Variants in PCDHA13 observed in about 807,000 individuals in gnomAD.
The protein encoded by PCDHA13 is protocadherin alpha-13.
In PCDHA13, 54 loss-of-function variants were observed where a neutral mutation model predicts 64.8. That is an observed-to-expected ratio of 0.83 (90% confidence interval 0.67 to 1.04). The LOEUF (loss-of-function observed/expected upper bound fraction) is 1.04, where lower values mean the gene tolerates loss of function less well. Ranked by LOEUF, PCDHA13 falls within the 50% of genes least tolerant of loss-of-function variation. PCDHA13 has a pLI of 0.00. For synonymous variants in PCDHA13, 587 were observed against 564.4 expected (o/e 1.04, Z -0.57); for missense variants, 1,248 against 1,254.3 (o/e 0.99, Z 0.08).
Position 140,884,329 on chromosome 5 carries a change from G to T in PCDHA13, c.2061G>T (p.Val687=), listed in dbSNP as rs782258780. 1 of 1,613,760 alleles carries T rather than the reference G, an allele frequency of 6.2e-7. No homozygotes were observed. The highest frequency in any genetic ancestry group is 8.5e-7 in the Non-Finnish European group (1 of 1,179,884). Reference sequence around the variant, plus strand: ...CGTCGAGGGCGTCGGCAGGCGCTGTGGGTCCAGAAGCGGCGCTGGTGGATG... The same window carrying T: ...CGTCGAGGGCGTCGGCAGGCGCTGTTGGTCCAGAAGCGGCGCTGGTGGATG... ...QASSRASAGA[V]GPEAALVDVN... is the part of the protein sequence containing the mutation. The change falls in exon 1 of 4, where the codon GTG becomes GTT. Residue 687 remains valine, a synonymous_variant. Transcript: ENST00000289272.
chr5:140,903,908 T>G (rs1248455998), intron 1 of PCDHA13, among the ~76,000 whole-genome samples: 2 of 152,242 alleles, frequency 1.3e-5, no homozygotes, highest in East Asian at 1.9e-4. Flanking sequence ...GTCAATGATG[T>G]GACTTCCTTG....
chr5:140,924,945 A>T (rs200246310), intron 1 of PCDHA13, among the ~76,000 whole-genome samples: 4 of 64,382 alleles, frequency 6.2e-5, no homozygotes, highest in African/African-American at 1.9e-4. Context: ...ATAAAAAGTT[A>T]AAAAAAAAAT....
rs1291498310 is a variant in PCDHA13, at chr5:140,946,680, G to A, written c.2395-32269G>A. Among the ~76,000 whole-genome samples, 6 of 145,092 alleles carry A rather than the reference G, an allele frequency of 4.1e-5. No homozygotes were observed. In the East Asian group the frequency reaches 9.9e-4, roughly 24 times the overall value. On this transcript the variant is annotated intron_variant, in intron 1 of 3. Coordinates refer to ENST00000289272, the MANE Select transcript of PCDHA13 (RefSeq NM_018904.3). ...TAGAAAGAATGAAATCCTGTCATTCGTGACAATATGGATGAATCTGGAGGT... is the reference window on the plus strand; with the variant it reads ...TAGAAAGAATGAAATCCTGTCATTCATGACAATATGGATGAATCTGGAGGT...
Position 141,010,990 on chromosome 5 carries a change from A to G in PCDHA13, c.*1053A>G, listed in dbSNP as rs1399914066. The stretch of plus-strand genomic sequence containing the variant: ...GTGCTTTAAGAGAATTGCCTGAAAC[A>G]TCTGTATTATATCGGCCACCTGCCA... On this transcript the variant is annotated 3_prime_UTR_variant, in exon 4 of 4. Transcript: ENST00000289272. The G allele has an allele frequency of 6.5e-6, 1 of 153,770 alleles. No individual in the cohort carries two copies. Among genetic ancestry groups the G allele is most frequent in the Non-Finnish European group, 1.5e-5 (1 of 68,054 alleles). 9.5% of individuals were successfully genotyped at this position (153,770 alleles called of 1,614,324 possible). A position where few individuals can be genotyped will look rare whatever the true frequency, so the allele number is the denominator to read the frequency against.
intron 1 of PCDHA13, among the ~76,000 whole-genome samples, chr5:140,914,207 A>C (rs1485868934): frequency 6.6e-6 from 1 of 152,060 alleles, no homozygotes; most frequent in Admixed American, 6.6e-5. Context: ...TGTGATCTCT[A>C]TCTCTCTTTT....
intron 1 of PCDHA13, among the ~76,000 whole-genome samples, chr5:140,965,342 G>T (rs2095891598): frequency 6.6e-6 from 1 of 152,130 alleles, no homozygotes; most frequent in South Asian, 2.1e-4. Context: ...TTGTCTCTGT[G>T]TTGCCTCTAT....
intron 1 of PCDHA13, among the ~76,000 whole-genome samples, chr5:140,898,748 G>A (rs1397892217): frequency 1.1e-4 from 16 of 152,222 alleles, no homozygotes; most frequent in African/African-American, 3.9e-4. Context: ...TAGCTTGATG[G>A]GGATGGCATT....
chr5:140,924,050 A>T (rs1554201725), intron 1 of PCDHA13, among the ~76,000 whole-genome samples: 1 of 152,250 alleles, frequency 6.6e-6, no homozygotes, highest in African/African-American at 2.4e-5. Flanking sequence ...AAAGTTCGGT[A>T]CATCTTTACA....
chr5:140,890,319 A>C (rs2062592452), intron 1 of PCDHA13, among the ~76,000 whole-genome samples: 1 of 152,206 alleles, frequency 6.6e-6, no homozygotes, highest in Admixed American at 6.5e-5. Context: ...AGTTGTTTTA[A>C]GATATTAGGT....
chr5:140,954,225 A>G (rs1554221300), intron 1 of PCDHA13, among the ~76,000 whole-genome samples: 1 of 152,242 alleles, frequency 6.6e-6, no homozygotes, highest in Admixed American at 6.5e-5. Context: ...TGCTATTGTG[A>G]ATAGTGCTGC....
intron 1 of PCDHA13, among the ~76,000 whole-genome samples, chr5:140,954,349 G>A (rs554018151): frequency 2.0e-4 from 31 of 152,312 alleles, no homozygotes; most frequent in Admixed American, 1.8e-3. Flanking sequence ...AGATCTTTGA[G>A]GAATCGCCAC....
intron 1 of PCDHA13, chr5:140,966,508 A>G (rs1288054154): frequency 9.2e-6 from 4 of 434,452 alleles, no homozygotes; most frequent in African/African-American, 4.1e-5. Context: ...TAGCGGCAGC[A>G]GCAGCAGGAA....
At chr5:140,967,872 A>C (rs2096192784) in intron 1 of PCDHA13, 2 of 1,614,034 alleles carry the variant, frequency 1.2e-6, no homozygotes, top group Non-Finnish European at 1.7e-6. Context: ...GTGCTCACGG[A>C]CCTGTATAGC....
intron 1 of PCDHA13, among the ~76,000 whole-genome samples, chr5:140,940,306 T>C (rs2092590981): frequency 6.6e-6 from 1 of 152,200 alleles, no homozygotes; most frequent in Non-Finnish European, 1.5e-5. Context: ...TAATTTATTA[T>C]CTTTCTTCCA....
intron 3 of PCDHA13, 115 bp downstream of exon 3, chr5:140,982,678 C>G: frequency 6.9e-7 from 1 of 1,438,900 alleles, no homozygotes; most frequent in East Asian, 2.5e-5. Context: ...TTTGTTATTC[C>G]CTTTTTTCCA....
chr5:140,917,231 A>G (rs2077963769), intron 1 of PCDHA13, among the ~76,000 whole-genome samples: 1 of 151,360 alleles, frequency 6.6e-6, no homozygotes, highest in Admixed American at 6.6e-5. Context: ...TACGTTGTTA[A>G]ATCTAGGTAC....
At chr5:141,008,488 C>A (rs1300609417) in intron 3 of PCDHA13, among the ~76,000 whole-genome samples, 1 of 152,124 alleles carries the variant, frequency 6.6e-6, no homozygotes, top group Non-Finnish European at 1.5e-5. Flanking sequence ...CTAGAAGTCA[C>A]TGGTATACTT....
At chr5:140,979,922 A>T (rs1317860679) in intron 2 of PCDHA13, among the ~76,000 whole-genome samples, 1 of 152,276 alleles carries the variant, frequency 6.6e-6, no homozygotes, top group Non-Finnish European at 1.5e-5. Flanking sequence ...GAGAAAGCCT[A>T]CAAAGTATGT....
rs145253621 is a variant in PCDHA13, at chr5:140,991,776, T to A, written c.2542+9213T>A. 4.1e-3 allele frequency among the ~76,000 whole-genome samples: 632 copies of A among 152,312 alleles called. 6 individuals carry two copies. Among genetic ancestry groups the A allele is most frequent in the South Asian group, 0.036 (174 of 4,822 alleles). ...CATGCTCTTCAAAATTCTTCTAGACTCTGCCCATTTCCCAATCTCAAGGCC... is the reference window on the plus strand; with the variant it reads ...CATGCTCTTCAAAATTCTTCTAGACACTGCCCATTTCCCAATCTCAAGGCC... On this transcript the variant is annotated intron_variant, in intron 3 of 3. Coordinates refer to ENST00000289272, the MANE Select transcript of PCDHA13 (RefSeq NM_018904.3).
Sources: allele counts gnomAD v4.1 joint callset (sites outside exome capture counted in the v4.1 genomes callset), GRCh38; gene constraint gnomAD v4.1.1; transcripts MANE v1.5; gene names NCBI Gene and HGNC (gene_info 2026-07-23, HGNC 2026-07-21).